GBP1: variants seen among roughly 807,000 people sequenced by gnomAD.
GBP1 encodes the protein guanylate binding protein 1, also known as guanylate-binding protein 1.
GBP1 carries 64 observed loss-of-function variants against 69.5 expected under a neutral mutation model. The observed-to-expected ratio is 0.92, with a 90% CI of 0.75 to 1.13. The LOEUF (loss-of-function observed/expected upper bound fraction) is 1.13, where lower values mean the gene tolerates loss of function less well. GBP1 is among the 50% of genes most tolerant of loss of function. GBP1 has a pLI of 0.00. For missense variants in GBP1, 630 were observed against 704.1 expected, an observed-to-expected ratio of 0.89 and a Z score of 1.19; for synonymous variants, 250 against 261.2, an observed-to-expected ratio of 0.96 and a Z score of 0.41.
intron 9 of GBP1, 104 bp downstream of exon 9, chr1:89,055,009 C>A: frequency 7.3e-7 from 1 of 1,377,662 alleles, no homozygotes; most frequent in Non-Finnish European, 1.0e-6. Flanking sequence ...TAAGACACAC[C>A]TTTGTGGATC....
In GBP1 at chr1:89,059,350, C is replaced by T. The variant is rs1181990151; in HGVS notation, c.395G>A (p.Gly132Glu). 38 of 1,613,892 alleles carry T rather than the reference C, an allele frequency of 2.4e-5. No homozygotes were observed. Among genetic ancestry groups the T allele is most frequent in the Non-Finnish European group, 3.1e-5 (37 of 1,179,996 alleles). ...GTCCATAGCCTGCTGGTTGATGGTTCCTATGCTATTGTACACGAAGGTGCT... is the reference window on the plus strand; with the variant it reads ...GTCCATAGCCTGCTGGTTGATGGTTTCTATGCTATTGTACACGAAGGTGCT... ...LSSTFVYNSI[G>E]TINQQAMDQL... Residue 132 changes from glycine (G) to glutamate (E), a missense_variant, in exon 4 of 11, where the codon GGA (glycine) becomes GAA (glutamate). Gly to Glu is a moderately conservative substitution (Grantham distance 98). Transcript: ENST00000370473.
At chr1:89,062,981 T>C (rs1473287325) in intron 2 of GBP1, 64 bp downstream of exon 2, 38 of 1,585,964 alleles carry the variant, frequency 2.4e-5, no homozygotes, top group Non-Finnish European at 3.2e-5. Flanking sequence ...CACATCTTCA[T>C]AATGGAGGCT....
chr1:89,055,050 C>T, intron 9 of GBP1, 63 bp downstream of exon 9: 1 of 1,521,070 alleles, frequency 6.6e-7, no homozygotes, highest in African/African-American at 1.4e-5. Context: ...CATGTTTATC[C>T]AGTCAAGTTA....
chr1:89,057,956 TAAAC>T (rs767136522), intron 6 of GBP1, 32 bp downstream of exon 6: 1 of 1,585,432 alleles, frequency 6.3e-7, no homozygotes, highest in African/African-American at 1.4e-5. Flanking sequence ...CCTCTAGTCT[TAAAC>T]AATGAGCAGA....
intron 5 of GBP1, chr1:89,058,463 T>G (rs1680100905): frequency 3.8e-6 from 2 of 529,560 alleles, no homozygotes; most frequent in Admixed American, 7.1e-5. Context: ...TTTGCCATGA[T>G]TTGTCTTGGG....
At chr1:89,054,400 G>A (rs193186360) in intron 10 of GBP1, among the ~76,000 whole-genome samples, 11 of 152,292 alleles carry the variant, frequency 7.2e-5, no homozygotes, top group Non-Finnish European at 1.3e-4. Flanking sequence ...ATGCCCCACC[G>A]AGATACAGAT....
chr1:89,056,078 A>G lies in GBP1; in HGVS notation c.1306T>C (p.Phe436Leu), dbSNP rs544489770. The change falls in exon 8 of 11, where the codon TTT becomes CTT. Residue 436 changes from phenylalanine (F) to leucine (L), a missense_variant. Physicochemically the swap from Phe to Leu is conservative, Grantham distance 22. This residue lies in a region of GBP1 where 367 missense variants were observed against 369.5 expected (regional missense o/e 0.99). Transcript: ENST00000370473. ...IYSKPGGYRL[F>L]VQKLQDLKKK... ...TTCAGGTCTTGTAGCTTCTGAACAAAGAGACGATAGCCCCCTGGTTTCGAA... is the reference window on the plus strand; with the variant it reads ...TTCAGGTCTTGTAGCTTCTGAACAAGGAGACGATAGCCCCCTGGTTTCGAA... The G allele has an allele frequency of 2.3e-5, 37 of 1,613,968 alleles. No homozygotes were observed. In the East Asian group the frequency reaches 7.1e-4, roughly 31 times the overall value.
rs1017944322 is a variant in GBP1 at position 89,058,490 on chromosome 1, C to T, written c.632-256G>A. On this transcript the variant is annotated intron_variant, in intron 5 of 10. Coordinates refer to ENST00000370473, the MANE Select transcript of GBP1 (RefSeq NM_002053.3). ...TGTCTTGGGCTGTAGTTTGCCAATG[C>T]TTGGACTAGCACACGGTTCATGTTT... 2.1e-5 allele frequency: 11 copies of T among 516,790 alleles called. No individual in the cohort carries two copies. The Admixed American group carries it at 2.9e-4, about 13-fold the overall frequency. 32.0% of individuals were successfully genotyped at this position (516,790 alleles called of 1,614,324 possible).
At position 89,053,576 on chromosome 1, in the gene GBP1, C is replaced by T. The variant is rs145045588; in HGVS notation, c.1666-108G>A. On this transcript the variant is annotated intron_variant, in intron 10 of 10. Transcript: ENST00000370473. ...TTGTTATTTAATTTTCTCTGAGTCA[C>T]GCAAGACGTAAATGTCATACTTTGG... 355 of 1,479,962 alleles carry T rather than the reference C, an allele frequency of 2.4e-4. No individual in the cohort carries two copies. In the African/African-American group the frequency reaches 4.0e-3, roughly 16 times the overall value. The allele number at this position is 1,479,962 out of a possible 1,614,324, so 91.7% of individuals were successfully genotyped here.
rs767408849 is a variant in GBP1 at position 89,056,178 on chromosome 1, T to C, written c.1206A>G (p.Ala402=). The C allele has an allele frequency of 1.2e-6, 2 of 1,613,996 alleles. No homozygotes were observed. The highest frequency in any genetic ancestry group is 1.7e-6 in the Non-Finnish European group (2 of 1,179,852). ...RDDFCKQNQE[A]SSDRCSALLQ... The stretch of plus-strand genomic sequence containing the variant: ...GTAAAGCTGAGCAACGATCTGATGA[T>C]GCTTCCTGATTCTGTTTACAAAAGT... Residue 402 remains alanine (A), a synonymous_variant, in exon 8 of 11, where the codon GCA becomes GCG. Transcript: ENST00000370473.
intron 2 of GBP1, among the ~76,000 whole-genome samples, chr1:89,061,814 A>T (rs545159746): frequency 6.6e-6 from 1 of 152,162 alleles, no homozygotes; most frequent in African/African-American, 2.4e-5. Context: ...AGCAACAGAA[A>T]TAAACAACCA....
intron 9 of GBP1, 116 bp downstream of exon 9, chr1:89,054,997 A>G: frequency 7.3e-7 from 1 of 1,372,226 alleles, no homozygotes; most frequent in Non-Finnish European, 1.0e-6. Flanking sequence ...GACCTCGGCA[A>G]GTAAGACACA....
Position 89,058,858 on chromosome 1 carries a change from G to A in GBP1, c.614C>T (p.Ser205Phe). The A allele has an allele frequency of 5.6e-6, 9 of 1,614,120 alleles. No homozygotes were observed. Among genetic ancestry groups the A allele is most frequent in the Non-Finnish European group, 7.6e-6 (9 of 1,179,994 alleles). ...TCTGTTACCTTTCTTCAGCTTCAGGGAGTATGTCAGGTACTCATCTGGTGT... is the reference window on the plus strand; with the variant it reads ...TCTGTTACCTTTCTTCAGCTTCAGGAAGTATGTCAGGTACTCATCTGGTGT... ...PLTPDEYLTY[S>F]LKLKKGTSQK... Residue 205 changes from serine to phenylalanine, a missense_variant, in exon 5 of 11, where the codon TCC becomes TTC. Physicochemically the swap from Ser to Phe is radical, Grantham distance 155 (BLOSUM62 -2). This residue lies in a region of GBP1 where 367 missense variants were observed against 369.5 expected (regional missense o/e 0.99). Transcript: ENST00000370473.
At position 89,054,870 on chromosome 1, in the gene GBP1, G is replaced by T. The variant is rs764543303; in HGVS notation, c.1477C>A (p.Arg493Ser). The change falls in exon 10 of 11, where the codon CGT becomes AGT. Residue 493 changes from arginine to serine, a missense_variant. By Grantham distance (110) the Arg-to-Ser change is moderately radical. Around this residue, in one of 5 missense-constraint regions of GBP1, gnomAD observed 35 missense variants for 68.6 expected, o/e 0.51. Coordinates refer to ENST00000370473, the MANE Select transcript of GBP1 (RefSeq NM_002053.3). ...TEKEKEIEVE[R>S]VKAESAQASA... ...GCCTGTGCAGACTCAGCTTTCACAC[G>T]TTCCACTGAGGAGGAAAAGGCAGAA... 1.2e-6 allele frequency: 2 copies of T among 1,612,748 alleles called. No individual in the cohort carries two copies. The highest frequency in any genetic ancestry group is 3.3e-5 in the Admixed American group (2 of 59,798).
intron 2 of GBP1, among the ~76,000 whole-genome samples, chr1:89,061,951 G>A (rs1680211012): frequency 6.6e-6 from 1 of 151,298 alleles, no homozygotes; most frequent in Non-Finnish European, 1.5e-5. Context: ...AAACCACAAC[G>A]AGATACTACT....
intron 10 of GBP1, among the ~76,000 whole-genome samples, 158 bp from the exon 11 acceptor site, chr1:89,053,626 A>G (rs755057009): frequency 3.3e-5 from 5 of 152,238 alleles, no homozygotes; most frequent in Non-Finnish European, 7.3e-5. Flanking sequence ...AAGCACAGCC[A>G]TGTTCCTTAC....
intron 4 of GBP1, 53 bp from the exon 5 acceptor site, chr1:89,059,096 G>A (rs1054605140): frequency 8.1e-6 from 13 of 1,610,388 alleles, no homozygotes; most frequent in African/African-American, 4.0e-5. Flanking sequence ...CTCATCCCAT[G>A]TTAGTTCAAC....
rs571973818 is a variant in GBP1 at position 89,064,598 on chromosome 1, G to C, written c.-20+562C>G. Among the ~76,000 whole-genome samples the C allele has an allele frequency of 4.6e-5, 7 of 152,226 alleles. No homozygotes were observed. The South Asian group carries it at 1.5e-3, about 32-fold the overall frequency. On this transcript the variant is annotated intron_variant, in intron 1 of 10. Transcript: ENST00000370473. ...AGAAAGTAATCCATTCTGAAACAAA[G>C]TTCACAAGTGTAATAAAAAGTATAC...
intron 10 of GBP1, among the ~76,000 whole-genome samples, 166 bp downstream of exon 10, chr1:89,054,516 T>A (rs1410075916): frequency 6.6e-6 from 1 of 152,210 alleles, no homozygotes; most frequent in African/African-American, 2.4e-5. Context: ...GTGACCAGAC[T>A]TGGCAGTAGC....
Sources: allele counts gnomAD v4.1 joint callset (sites outside exome capture counted in the v4.1 genomes callset), GRCh38; gene constraint gnomAD v4.1.1; regional missense constraint gnomAD v4.1.1; transcripts MANE v1.5; gene names NCBI Gene and HGNC (gene_info 2026-07-23, HGNC 2026-07-21).